Variants in EPN2 observed in about 807,000 individuals in gnomAD.
EPN2 encodes epsin 2.
EPN2 carries 34 observed loss-of-function variants against 61.7 expected under a neutral mutation model. The ratio of observed to expected loss-of-function variants is 0.55; its 90% confidence interval spans 0.42 to 0.73. The LOEUF is 0.73. EPN2 is among the 30% of genes least tolerant of loss of function. The pLI is 0.00. For missense variants in EPN2, 714 were observed against 839.2 expected, an observed-to-expected ratio of 0.85 and a Z score of 1.84; for synonymous variants, 349 against 353.6, an observed-to-expected ratio of 0.99 and a Z score of 0.15.
intron 1 of EPN2, among the ~76,000 whole-genome samples, chr17:19,253,777 G>A (rs895387415): frequency 6.6e-6 from 1 of 152,150 alleles, no homozygotes; most frequent in African/African-American, 2.4e-5. Flanking sequence ...AAAAGAAAAT[G>A]TCACATGTGA....
intron 7 of EPN2, among the ~76,000 whole-genome samples, chr17:19,323,644 A>C (rs2152237010): frequency 6.6e-6 from 1 of 152,372 alleles, no homozygotes; most frequent in East Asian, 1.9e-4. Context: ...AGTGGCATAG[A>C]GTCTTCAGTG....
chr17:19,277,169 G>A (rs1597988763), intron 1 of EPN2, among the ~76,000 whole-genome samples: 1 of 152,158 alleles, frequency 6.6e-6, no homozygotes, highest in Admixed American at 6.5e-5. Context: ...GGGAGGCCGA[G>A]GCGGGTGGAT....
At chr17:19,317,746 G>A (rs1252959486) in intron 7 of EPN2, among the ~76,000 whole-genome samples, 1 of 152,194 alleles carries the variant, frequency 6.6e-6, no homozygotes, top group Non-Finnish European at 1.5e-5. Flanking sequence ...CCTGGACCCT[G>A]CCGAGGACGT....
chr17:19,269,703 G>A (rs1379836179), intron 1 of EPN2, among the ~76,000 whole-genome samples: 1 of 152,186 alleles, frequency 6.6e-6, no homozygotes, highest in Non-Finnish European at 1.5e-5. Flanking sequence ...GGGAATGCCA[G>A]GTTCTGTCCT....
chr17:19,298,653 C>CAACACA (rs774977671), intron 4 of EPN2, among the ~76,000 whole-genome samples: 4 of 152,274 alleles, frequency 2.6e-5, no homozygotes, highest in Non-Finnish European at 5.9e-5. Flanking sequence ...TACAGACACC[C>CAACACA]GCTACCGAGC....
intron 4 of EPN2, among the ~76,000 whole-genome samples, chr17:19,292,375 G>C (rs1018293751): frequency 6.6e-6 from 1 of 152,256 alleles, no homozygotes; most frequent in Admixed American, 6.5e-5. Flanking sequence ...TTTGGGGATG[G>C]ACCAGGAATT....
chr17:19,297,827 A>G (rs1249278724), intron 4 of EPN2, among the ~76,000 whole-genome samples: 7 of 152,228 alleles, frequency 4.6e-5, no homozygotes, highest in South Asian at 2.1e-4. Context: ...ATCTAACTCT[A>G]TGCATTTTCC....
At chr17:19,254,252 G>C (rs976603470) in intron 1 of EPN2, among the ~76,000 whole-genome samples, 1 of 151,846 alleles carries the variant, frequency 6.6e-6, no homozygotes, top group Non-Finnish European at 1.5e-5. Flanking sequence ...ACTTATAACT[G>C]AAGTATAGTA....
At chr17:19,307,471 C>T (rs935176514) in intron 4 of EPN2, among the ~76,000 whole-genome samples, 3 of 151,968 alleles carry the variant, frequency 2.0e-5, no homozygotes, top group East Asian at 1.9e-4. Context: ...CCACCATGCC[C>T]GGCTAATTTA....
At chr17:19,317,599 C>A (rs952443371) in intron 7 of EPN2, among the ~76,000 whole-genome samples, 1 of 152,224 alleles carries the variant, frequency 6.6e-6, no homozygotes, top group African/African-American at 2.4e-5. Flanking sequence ...GCGACCGGGA[C>A]ACAGGCTCCC....
intron 1 of EPN2, among the ~76,000 whole-genome samples, chr17:19,245,817 C>T (rs2044941355): frequency 6.6e-6 from 1 of 152,022 alleles, no homozygotes; most frequent in Non-Finnish European, 1.5e-5. Flanking sequence ...CACGTACCAC[C>T]ACGCCTGGGT....
chr17:19,313,149 T>G lies in EPN2; in HGVS notation c.1017T>G (p.Asp339Glu), dbSNP rs748774660. 8.1e-6 allele frequency: 13 copies of G among 1,613,770 alleles called. No homozygotes were observed. The South Asian group carries it at 1.3e-4, about 16-fold the overall frequency. The change falls in exon 7 of 11, where the codon GAT becomes GAG. Residue 339 changes from aspartate to glutamate, a missense_variant. Physicochemically the swap from Asp to Glu is conservative, Grantham distance 45 (BLOSUM62 2). Transcript: ENST00000314728. ...PQQTTLLDLM[D>E]ALPSSGPAAQ... ...AGACTACGCTGTTGGATTTAATGGA[T>G]GCTCTCCCCAGCTCGGGCCCCGCGG...
At position 19,285,802 on chromosome 17, in the gene EPN2, G is replaced by T; in HGVS notation, c.766+12G>T. 1 of 1,567,702 alleles carries T rather than the reference G, an allele frequency of 6.4e-7. No individual in the cohort carries two copies. Among genetic ancestry groups the T allele is most frequent in the Non-Finnish European group, 8.7e-7 (1 of 1,154,042 alleles). Reference sequence around the variant, plus strand: ...CCGCGCAGCCCGAGGTGGGACGGCGGTTTGCTTTTTTCCTTACTAGAAATG... The same window carrying T: ...CCGCGCAGCCCGAGGTGGGACGGCGTTTTGCTTTTTTCCTTACTAGAAATG... On this transcript the variant is annotated intron_variant, in intron 4 of 10. Transcript: ENST00000314728. The surrounding 1 kb of genome is among the most constrained non-coding windows in gnomAD (Gnocchi z 4.5).
chr17:19,282,864 T>G (rs1385234038), intron 2 of EPN2, 86 bp from the exon 3 acceptor site: 1 of 430,226 alleles, frequency 2.3e-6, no homozygotes, highest in East Asian at 4.0e-5. Flanking sequence ...GCTCCCCAGT[T>G]TTACCCAGTA....
At chr17:19,257,981 C>G (rs1390112485) in intron 1 of EPN2, 1 of 152,854 alleles carries the variant, frequency 6.5e-6, no homozygotes, top group Non-Finnish European at 1.5e-5. Context: ...GCTTTTGGTC[C>G]CAGTCTCCCA....
intron 4 of EPN2, among the ~76,000 whole-genome samples, chr17:19,309,620 A>G (rs906519276): frequency 3.9e-5 from 6 of 152,208 alleles, no homozygotes; most frequent in African/African-American, 1.4e-4. Context: ...GTGAGGCCTG[A>G]TGGCTGGGGC....
At chr17:19,241,322 C>T (rs1446900727) in intron 1 of EPN2, among the ~76,000 whole-genome samples, 3 of 152,174 alleles carry the variant, frequency 2.0e-5, no homozygotes, top group Admixed American at 1.3e-4. Flanking sequence ...TGGTGGCTCA[C>T]GCCTGTAATT....
intron 1 of EPN2, among the ~76,000 whole-genome samples, chr17:19,262,312 C>G (rs1024900149): frequency 2.0e-5 from 3 of 151,792 alleles, no homozygotes; most frequent in African/African-American, 2.4e-5. Flanking sequence ...AACCCTGTCT[C>G]TACTAAAAAT....
chr17:19,296,154 T>A (rs1403036957), intron 4 of EPN2, among the ~76,000 whole-genome samples: 2 of 152,064 alleles, frequency 1.3e-5, no homozygotes, highest in African/African-American at 2.4e-5. Context: ...CATTCTATTT[T>A]TTTTTTTTTA....
Sources: gnomAD v4.1 joint callset for allele counts (sites outside exome capture counted in the v4.1 genomes callset) on GRCh38, gnomAD v4.1.1 for gene constraint, Gnocchi (gnomAD v3.1) non-coding constraint, MANE v1.5 for transcripts, NCBI Gene and HGNC (gene_info 2026-07-23, HGNC 2026-07-21) for gene names.